Variants in MEGF6 observed in about 807,000 individuals in gnomAD.
MEGF6 encodes multiple EGF like domains 6.
In MEGF6, 184 loss-of-function variants were observed where a neutral mutation model predicts 207.1. That is an observed-to-expected ratio of 0.89 (90% CI 0.79 to 1.00). MEGF6 has a LOEUF of 1.00. Among genes scored for constraint, MEGF6 ranks in the 50% least tolerant of loss-of-function variants. MEGF6 has a pLI of 0.00. For missense variants in MEGF6, 2,282 were observed against 2,202.9 expected, an observed-to-expected ratio of 1.04 and a Z score of -0.72; for synonymous variants, 1,038 against 910.0, an observed-to-expected ratio of 1.14 and a Z score of -2.53.
chr1:3,496,825 C>T, intron 28 of MEGF6, 42 bp from the exon 29 acceptor site: 2 of 1,541,944 alleles, frequency 1.3e-6, no homozygotes, highest in Non-Finnish European at 1.8e-6. Context: ...GGGCTGGAGG[C>T]TTCCCCAGTG....
At chr1:3,552,064 G>A (rs1024633554) in intron 4 of MEGF6, among the ~76,000 whole-genome samples, 11 of 152,302 alleles carry the variant, frequency 7.2e-5, no homozygotes, top group African/African-American at 2.4e-4. Flanking sequence ...CTCTGGACAC[G>A]CCAAACTGTG....
intron 36 of MEGF6, 120 bp from the exon 37 acceptor site, chr1:3,490,709 T>TGGGTGG: frequency 2.9e-6 from 3 of 1,025,906 alleles, no homozygotes; most frequent in South Asian, 2.9e-5. Flanking sequence ...GCCCAGCAGG[T>TGGGTGG]GGGTGGGGCC....
rs752422483 is a variant in MEGF6, at chr1:3,514,607, C to T, written c.796G>A (p.Ala266Thr). The T allele has an allele frequency of 3.4e-5, 54 of 1,579,816 alleles. No homozygotes were observed. The highest frequency in any genetic ancestry group is 4.0e-5 in the Non-Finnish European group (47 of 1,165,236). The change falls in exon 7 of 37, where the codon GCC becomes ACC. Residue 266 changes from alanine (A) to threonine (T), a missense_variant. Physicochemically the swap from Ala to Thr is moderately conservative, Grantham distance 58. Transcript: ENST00000356575. The part of the protein sequence containing the change: ...MHRCQVVRGL[A>T]RCECHVGYQL... ...TAGCCCACGTGGCACTCACAGCGGG[C>T]GAGGCCCCGGACCACCTGGCACCTG... is the stretch of plus-strand genomic sequence containing the variant.
intron 3 of MEGF6, among the ~76,000 whole-genome samples, chr1:3,581,812 C>T (rs1417751465): frequency 7.2e-5 from 11 of 152,178 alleles, no homozygotes; most frequent in Middle Eastern, 3.4e-3. Flanking sequence ...CTCACTGCCT[C>T]CCTCCTCCCA....
intron 5 of MEGF6, among the ~76,000 whole-genome samples, chr1:3,522,310 C>T (rs192060261): frequency 3.7e-4 from 56 of 152,266 alleles, no homozygotes; most frequent in African/African-American, 1.3e-3. Flanking sequence ...GGGCACCAGC[C>T]CTGGAGAAGG....
chr1:3,541,944 C>T (rs1642538960), intron 4 of MEGF6, among the ~76,000 whole-genome samples: 1 of 152,226 alleles, frequency 6.6e-6, no homozygotes, highest in Non-Finnish European at 1.5e-5. Flanking sequence ...CACAGACACT[C>T]CGATGAAAAC....
At chr1:3,522,185 G>C (rs1641775824) in intron 5 of MEGF6, among the ~76,000 whole-genome samples, 1 of 152,210 alleles carries the variant, frequency 6.6e-6, no homozygotes, top group South Asian at 2.1e-4. Flanking sequence ...TGCGCTCCGA[G>C]GTCACTGCTC....
In MEGF6 at chr1:3,490,905, C is replaced by G; in HGVS notation, c.4564+7G>C. ...GCAAGCCCACGGGCATTCCCCACAC[C>G]CCTTACCTGAGCCCTGGGCTAAGGA... On this transcript the variant is annotated splice_region_variant and intron_variant, in intron 36 of 36. Coordinates refer to ENST00000356575, the MANE Select transcript of MEGF6 (RefSeq NM_001409.4). The G allele has an allele frequency of 6.3e-7, 1 of 1,586,530 alleles. No homozygotes were observed. The highest frequency in any genetic ancestry group is 8.6e-7 in the Non-Finnish European group (1 of 1,166,144).
At position 3,490,581 on chromosome 1, in the gene MEGF6, GTGTGCCCGC is replaced by G. The variant is rs1203574794; in HGVS notation, c.4565-1_4572del. On this transcript the variant is annotated splice_acceptor_variant and coding_sequence_variant, in exon 37 of 37. Transcript: ENST00000356575. LOFTEE classifies it high-confidence loss of function. ...GATGTGGGTCTGCTGGAGGCGGGCAGTGTGCCCGCTGGGGAAAAGGAGAAAAGAGGGCCA... is the reference window on the plus strand; with the variant it reads ...GATGTGGGTCTGCTGGAGGCGGGCAGTGGGGAAAAGGAGAAAAGAGGGCCA... 1 of 1,613,272 alleles carries G rather than the reference GTGTGCCCGC, an allele frequency of 6.2e-7. No individual in the cohort carries two copies. The highest frequency in any genetic ancestry group is 1.3e-5 in the African/African-American group (1 of 74,942).
chr1:3,564,169 G>T (rs149019651), intron 4 of MEGF6, among the ~76,000 whole-genome samples: 2,365 of 150,812 alleles, frequency 0.016, 66 homozygotes, highest in African/African-American at 0.054. Context: ...GGGTCAGGGT[G>T]GGGGAGCTGA....
chr1:3,589,362 C>T (rs1643941175), intron 3 of MEGF6, among the ~76,000 whole-genome samples: 1 of 152,196 alleles, frequency 6.6e-6, no homozygotes, highest in East Asian at 1.9e-4. Flanking sequence ...GGAGCTCATA[C>T]CTGCGCCCCC....
chr1:3,505,966 G>T (rs1641098465), intron 15 of MEGF6, 142 bp downstream of exon 15: 2 of 1,162,268 alleles, frequency 1.7e-6, no homozygotes, highest in East Asian at 5.2e-5. Flanking sequence ...ACTCATGGCG[G>T]ACCCCAGACC....
intron 4 of MEGF6, among the ~76,000 whole-genome samples, chr1:3,539,327 G>T (rs982997557): frequency 1.3e-5 from 2 of 152,090 alleles, no homozygotes; most frequent in Non-Finnish European, 2.9e-5. Context: ...AGAGATGCAT[G>T]GGGGAGGGGC....
chr1:3,614,435 C>T (rs1008286813), upstream of MEGF6, among the ~76,000 whole-genome samples: 1 of 152,240 alleles, frequency 6.6e-6, no homozygotes, highest in African/African-American at 2.4e-5. Context: ...GCAGATTGAA[C>T]TCATGGTAGA....
At position 3,492,633 on chromosome 1, in the gene MEGF6, G is replaced by T. The variant is rs771359424; in HGVS notation, c.4516+6C>A. On this transcript the variant is annotated splice_donor_region_variant and intron_variant, in intron 35 of 36. Coordinates refer to ENST00000356575, the MANE Select transcript of MEGF6 (RefSeq NM_001409.4). ...TTCCCGCCCTTCCCCAGGAAGCCCAGCTCACCTTCCCGGCACGTGGGCCCC... is the reference window on the plus strand; with the variant it reads ...TTCCCGCCCTTCCCCAGGAAGCCCATCTCACCTTCCCGGCACGTGGGCCCC... The T allele has an allele frequency of 1.9e-6, 3 of 1,604,328 alleles. No individual in the cohort carries two copies. The Admixed American group carries it at 5.0e-5, about 27-fold the overall frequency.
chr1:3,497,392 T>C (rs1448597607), intron 26 of MEGF6, 31 bp from the exon 27 acceptor site: 13 of 1,501,100 alleles, frequency 8.7e-6, no homozygotes, highest in Middle Eastern at 1.8e-4. Flanking sequence ...CGGAGGCTTC[T>C]AGGAGGGGCC....
rs138382094 is a variant in MEGF6 at position 3,556,906 on chromosome 1, A to T, written c.481+22919T>A. 0.012 allele frequency among the ~76,000 whole-genome samples: 1,853 copies of T among 152,304 alleles called. 32 individuals carry two copies. Among genetic ancestry groups the T allele is most frequent in the African/African-American group, 0.037 (1,525 of 41,570 alleles). Reference sequence around the variant, plus strand: ...CCAGGGCTGTGGAAAGAACGAAGGCAGCCCCTCAGCCGACCTGACCTAGGA... The same window carrying T: ...CCAGGGCTGTGGAAAGAACGAAGGCTGCCCCTCAGCCGACCTGACCTAGGA... On this transcript the variant is annotated intron_variant, in intron 4 of 36. Transcript: ENST00000356575. The surrounding 1 kb of genome is among the most constrained non-coding windows in gnomAD (Gnocchi z 4.4).
chr1:3,493,223 G>T (rs1418945369), intron 34 of MEGF6: 1 of 220,220 alleles, frequency 4.5e-6, no homozygotes. Flanking sequence ...CTATCCTCAG[G>T]TGGGTCCCTC....
intron 3 of MEGF6, among the ~76,000 whole-genome samples, chr1:3,580,488 A>G (rs1325256945): frequency 1.3e-5 from 2 of 152,114 alleles, no homozygotes; most frequent in Admixed American, 6.5e-5. Flanking sequence ...GGGGCTCCCC[A>G]GGGAAAGCGA....
Sources: allele counts gnomAD v4.1 joint callset (sites outside exome capture counted in the v4.1 genomes callset), GRCh38; gene constraint gnomAD v4.1.1; non-coding constraint Gnocchi (gnomAD v3.1); transcripts MANE v1.5; gene names NCBI Gene and HGNC (gene_info 2026-07-23, HGNC 2026-07-21).